MARK3: variants seen among roughly 807,000 people sequenced by gnomAD.
MARK3 encodes MAP/microtubule affinity-regulating kinase 3.
In MARK3, 46 loss-of-function variants were observed where a neutral mutation model predicts 90.1. The observed-to-expected ratio is 0.51, with a 90% CI of 0.40 to 0.65. MARK3 has a LOEUF of 0.65. Ranked by LOEUF, MARK3 falls within the 30% of genes least tolerant of loss-of-function variation. The pLI, the probability that MARK3 is intolerant of heterozygous loss-of-function variation, is 0.00. For missense variants in MARK3, 818 were observed against 947.2 expected (o/e 0.86, Z 1.79); for synonymous variants, 321 against 332.6 (o/e 0.97, Z 0.38).
At chr14:103,465,835 A>G in intron 8 of MARK3, 42 bp downstream of exon 8, 1 of 1,570,574 alleles carries the variant, frequency 6.4e-7, no homozygotes, top group Non-Finnish European at 8.7e-7. Flanking sequence ...AACTAAAAGA[A>G]GTTTCCTAAT....
chr14:103,483,808 G>A (rs2093871390), intron 14 of MARK3, among the ~76,000 whole-genome samples: 1 of 152,324 alleles, frequency 6.6e-6, no homozygotes, highest in East Asian at 1.9e-4. Context: ...GTGTAAACTA[G>A]GCATGAGAAG....
chr14:103,420,986 TC>T (rs2092193899), intron 2 of MARK3, among the ~76,000 whole-genome samples: 2 of 152,184 alleles, frequency 1.3e-5, no homozygotes, highest in Non-Finnish European at 2.9e-5. Flanking sequence ...TGTCTAGTCT[TC>T]CTAACGCACC....
At chr14:103,407,800 C>G (rs1218530497) in intron 2 of MARK3, among the ~76,000 whole-genome samples, 1 of 152,016 alleles carries the variant, frequency 6.6e-6, no homozygotes, top group Non-Finnish European at 1.5e-5. Flanking sequence ...ACCTGGTGAT[C>G]TGCCCGCCTC....
chr14:103,501,844 C>T (rs1326108266), intron 17 of MARK3, among the ~76,000 whole-genome samples: 1 of 152,222 alleles, frequency 6.6e-6, no homozygotes, highest in Non-Finnish European at 1.5e-5. Context: ...TAGGAAGCTT[C>T]TCTCATCAGT....
At chr14:103,416,250 A>G (rs1185216044) in intron 2 of MARK3, among the ~76,000 whole-genome samples, 1 of 152,252 alleles carries the variant, frequency 6.6e-6, no homozygotes. Flanking sequence ...AATTAGAGAC[A>G]GCAAGGTAGC....
At chr14:103,415,509 A>G (rs2091907095) in intron 2 of MARK3, among the ~76,000 whole-genome samples, 1 of 152,208 alleles carries the variant, frequency 6.6e-6, no homozygotes, top group Admixed American at 6.5e-5. Flanking sequence ...CATATTTACT[A>G]TGAATCTGGG....
chr14:103,394,983 A>G (rs369944898), intron 1 of MARK3, among the ~76,000 whole-genome samples: 2 of 152,002 alleles, frequency 1.3e-5, no homozygotes, highest in African/African-American at 4.8e-5. Context: ...GGGTTTCACC[A>G]TGGCCAGGCT....
intron 3 of MARK3, among the ~76,000 whole-genome samples, chr14:103,440,813 C>T (rs1380291912): frequency 1.3e-5 from 2 of 148,974 alleles, no homozygotes; most frequent in African/African-American, 2.5e-5. Flanking sequence ...CATGGTGGCA[C>T]ATAGCTGTGG....
intron 3 of MARK3, among the ~76,000 whole-genome samples, chr14:103,431,979 C>T (rs1419840743): frequency 5.3e-5 from 8 of 151,794 alleles, no homozygotes. Flanking sequence ...AATTGTTTCC[C>T]CCCTCCCACC....
intron 3 of MARK3, among the ~76,000 whole-genome samples, chr14:103,440,772 A>G (rs1240819890): frequency 6.6e-6 from 1 of 151,946 alleles, no homozygotes; most frequent in African/African-American, 2.4e-5. Flanking sequence ...TGTATCTACA[A>G]AAAGATTTTT....
intron 2 of MARK3, among the ~76,000 whole-genome samples, chr14:103,424,910 AG>A (rs1221394887): frequency 6.6e-6 from 1 of 152,178 alleles, no homozygotes; most frequent in Non-Finnish European, 1.5e-5. Context: ...TGAGTGTTCA[AG>A]GCCTCAGATC....
At chr14:103,483,849 A>T (rs929601995) in intron 14 of MARK3, among the ~76,000 whole-genome samples, 1 of 152,230 alleles carries the variant, frequency 6.6e-6, no homozygotes, top group Non-Finnish European at 1.5e-5. Context: ...GTATGATTCT[A>T]TCATGATGGT....
chr14:103,432,436 C>T (rs370864143), intron 3 of MARK3, among the ~76,000 whole-genome samples: 2 of 152,098 alleles, frequency 1.3e-5, no homozygotes, highest in South Asian at 2.1e-4. Flanking sequence ...CTTCCTCCCT[C>T]CCTTCCTTCC....
rs34252723 is a variant in MARK3, at chr14:103,397,326, A to ATT, written c.52-7733_52-7732dup. On this transcript the variant is annotated intron_variant, in intron 1 of 17. Transcript: ENST00000429436. Reference sequence around the variant, plus strand: ...ACTAGCCGAAAGTTACTGAATAAACATTTTTTTTTTTTTTTTTTGAGATGA... The same window carrying ATT: ...ACTAGCCGAAAGTTACTGAATAAACATTTTTTTTTTTTTTTTTTTTGAGATGA... Among the ~76,000 whole-genome samples the ATT allele has an allele frequency of 5.9e-3, 783 of 133,072 alleles. 8 individuals carry two copies. The highest frequency in any genetic ancestry group is 8.8e-3 in the Non-Finnish European group (553 of 62,816). The allele number at this position is 133,072 out of a possible 152,430, so 87.3% of individuals were successfully genotyped here. A position where few individuals can be genotyped will look rare whatever the true frequency, so the allele number is the denominator to read the frequency against.
Position 103,415,924 on chromosome 14 carries a change from T to C in MARK3, c.243+10657T>C, listed in dbSNP as rs147584472. Among the ~76,000 whole-genome samples the C allele has an allele frequency of 3.4e-3, 517 of 152,340 alleles. 2 individuals carry two copies. Among genetic ancestry groups the C allele is most frequent in the African/African-American group, 0.012 (498 of 41,572 alleles). Reference sequence around the variant, plus strand: ...ATAGCTTTCTCCAAATTTATCATTTTAAACATCATTGACTTCCACTTCCCA... The same window carrying C: ...ATAGCTTTCTCCAAATTTATCATTTCAAACATCATTGACTTCCACTTCCCA... On this transcript the variant is annotated intron_variant, in intron 2 of 17. Coordinates refer to ENST00000429436, the MANE Select transcript of MARK3 (RefSeq NM_001128918.3).
In MARK3 at chr14:103,385,705, G is replaced by T; in HGVS notation, c.-325G>T. The T allele has an allele frequency of 3.7e-6, 1 of 272,614 alleles. No individual in the cohort carries two copies. The highest frequency in any genetic ancestry group is 5.4e-5 in the Admixed American group (1 of 18,446). 16.9% of individuals were successfully genotyped at this position (272,614 alleles called of 1,614,324 possible). A position where few individuals can be genotyped will look rare whatever the true frequency, so the allele number is the denominator to read the frequency against. On this transcript the variant is annotated 5_prime_UTR_variant, in exon 1 of 18. Coordinates refer to ENST00000429436, the MANE Select transcript of MARK3 (RefSeq NM_001128918.3). ...GAGGGAGTGGAGAAGGAGGTGAGGG[G>T]GCCCAGGATCGCGGGGCGCCCTGAG...
intron 12 of MARK3, among the ~76,000 whole-genome samples, chr14:103,470,724 T>C (rs889687052): frequency 2.8e-4 from 43 of 152,064 alleles, no homozygotes; most frequent in Admixed American, 1.9e-3. Context: ...CCCAAAGTGC[T>C]CGGATTACAG....
chr14:103,480,252 G>A (rs957474188), intron 13 of MARK3, 135 bp from the exon 14 acceptor site: 1 of 570,744 alleles, frequency 1.8e-6, no homozygotes, highest in Non-Finnish European at 3.1e-6. Context: ...TCCAGCCTGG[G>A]TGACAGAGTA....
At chr14:103,457,259 A>C in intron 6 of MARK3, 47 bp downstream of exon 6, 346 of 1,359,592 alleles carry the variant, frequency 2.5e-4, no homozygotes, top group Non-Finnish European at 3.4e-4. Flanking sequence ...AATTTATCTC[A>C]CTTAAACCCT....
Sources: allele counts gnomAD v4.1 joint callset (sites outside exome capture counted in the v4.1 genomes callset), GRCh38; gene constraint gnomAD v4.1.1; transcripts MANE v1.5; gene names NCBI Gene and HGNC (gene_info 2026-07-23, HGNC 2026-07-21).